PIK3CB: variants seen among roughly 807,000 people sequenced by gnomAD.
PIK3CB encodes the protein phosphatidylinositol 4,5-bisphosphate 3-kinase catalytic subunit beta isoform.
Under a neutral mutation model 136.8 loss-of-function variants are expected in PIK3CB, and 39 were observed. That is an observed-to-expected ratio of 0.29 (90% CI 0.22 to 0.37). The LOEUF is 0.37. PIK3CB is among the 10% of genes least tolerant of loss of function. PIK3CB has a pLI of 1.00. For synonymous variants in PIK3CB, 428 were observed against 436.6 expected (o/e 0.98, Z 0.25); for missense variants, 868 against 1,275.4 (o/e 0.68, Z 4.87).
intron 1 of PIK3CB, among the ~76,000 whole-genome samples, chr3:138,815,162 A>AAAAAAAAAAATAT (rs1553743711): frequency 4.8e-5 from 3 of 62,476 alleles, no homozygotes; most frequent in African/African-American, 1.3e-4. Flanking sequence ...AAAAAAAAAA[A>AAAAAAAAAAATAT]ATATATATAT....
At chr3:138,819,861 G>A (rs2108896780) in intron 1 of PIK3CB, among the ~76,000 whole-genome samples, 1 of 152,238 alleles carries the variant, frequency 6.6e-6, no homozygotes, top group East Asian at 1.9e-4. Flanking sequence ...TGTAGTCTCG[G>A]GCTACTTGGG....
At chr3:138,777,917 CTCA>C (rs2045878618) in intron 2 of PIK3CB, 1 of 273,802 alleles carries the variant, frequency 3.7e-6, no homozygotes, top group African/African-American at 2.3e-5. Context: ...TGGATATTGT[CTCA>C]TCAAGGACCC....
intron 1 of PIK3CB, among the ~76,000 whole-genome samples, chr3:138,830,903 AAATAATAATAATAAT>A (rs373908245): frequency 3.6e-3 from 492 of 136,972 alleles, no homozygotes; most frequent in Middle Eastern, 0.015. Context: ...CTCCGTCTCA[AAATAATAATAATAAT>A]AATAATAATA....
intron 1 of PIK3CB, among the ~76,000 whole-genome samples, chr3:138,803,934 C>G (rs945982640): frequency 6.6e-6 from 1 of 152,138 alleles, no homozygotes; most frequent in Admixed American, 6.6e-5. Context: ...TGGAGGCCCA[C>G]ATCAATACAT....
chr3:138,655,376 C>T lies in PIK3CB; in HGVS notation c.*13G>A, dbSNP rs757577138. ...ATGAAACCAACAAATACATTAGGAGCGAAGGCTGATCGTTAAGATCTGTAG... is the reference window on the plus strand; with the variant it reads ...ATGAAACCAACAAATACATTAGGAGTGAAGGCTGATCGTTAAGATCTGTAG... On this transcript the variant is annotated 3_prime_UTR_variant, in exon 24 of 24. Transcript: ENST00000674063. 1.5e-5 allele frequency: 24 copies of T among 1,613,272 alleles called. No homozygotes were observed. Among genetic ancestry groups the T allele is most frequent in the African/African-American group, 6.7e-5 (5 of 74,900 alleles).
chr3:138,687,405 T>C (rs1006073375), intron 16 of PIK3CB, among the ~76,000 whole-genome samples: 6 of 152,214 alleles, frequency 3.9e-5, no homozygotes, highest in Non-Finnish European at 8.8e-5. Flanking sequence ...AAAATTTGAA[T>C]TTTACTCATA....
chr3:138,740,227 T>C (rs647972), intron 5 of PIK3CB, among the ~76,000 whole-genome samples: 91,772 of 152,024 alleles, frequency 0.6, 28,556 homozygotes, highest in East Asian at 0.99. Flanking sequence ...GGCGTGGTGG[T>C]GCCTGTCTAT....
At chr3:138,728,059 G>GCC (rs2044879635) in intron 8 of PIK3CB, among the ~76,000 whole-genome samples, 1 of 152,038 alleles carries the variant, frequency 6.6e-6, no homozygotes, top group African/African-American at 2.4e-5. Flanking sequence ...TGATCCACCC[G>GCC]CCTCGGCCTC....
chr3:138,808,410 C>T (rs1315697600), intron 1 of PIK3CB, among the ~76,000 whole-genome samples: 1 of 152,060 alleles, frequency 6.6e-6, no homozygotes, highest in Non-Finnish European at 1.5e-5. Context: ...GCAGGAAGAT[C>T]ATTTGAGCCC....
chr3:138,732,315 T>C (rs1442432955), intron 8 of PIK3CB, among the ~76,000 whole-genome samples: 5 of 152,110 alleles, frequency 3.3e-5, no homozygotes, highest in African/African-American at 1.2e-4. Flanking sequence ...TCAAATTATT[T>C]CTCTCAACTT....
At chr3:138,656,086 T>C (rs1190848617) in intron 23 of PIK3CB, 56 bp downstream of exon 23, 1 of 1,589,368 alleles carries the variant, frequency 6.3e-7, no homozygotes, top group African/African-American at 1.3e-5. Context: ...AACAGGCAGC[T>C]AAAACTGAGC....
intron 14 of PIK3CB, among the ~76,000 whole-genome samples, chr3:138,691,431 C>A (rs1246790547): frequency 6.6e-6 from 1 of 152,098 alleles, no homozygotes; most frequent in Admixed American, 6.6e-5. Context: ...TCAAATCTCA[C>A]CTCAAATTAT....
At chr3:138,813,426 C>T (rs1933165387) in intron 1 of PIK3CB, among the ~76,000 whole-genome samples, 1 of 151,018 alleles carries the variant, frequency 6.6e-6, no homozygotes, top group South Asian at 2.1e-4. Context: ...TAAGGGCCTA[C>T]TCTATTTTTT....
At chr3:138,819,957 G>C (rs963230241) in intron 1 of PIK3CB, among the ~76,000 whole-genome samples, 20 of 152,154 alleles carry the variant, frequency 1.3e-4, no homozygotes, top group African/African-American at 4.8e-4. Flanking sequence ...CTGAGCAACA[G>C]AGCGAGACTC....
chr3:138,781,702 G>A (rs775009650), intron 2 of PIK3CB, among the ~76,000 whole-genome samples: 4 of 152,182 alleles, frequency 2.6e-5, no homozygotes, highest in East Asian at 1.9e-4. Context: ...TGATCTGCCC[G>A]CCTCGGCCTC....
At chr3:138,675,881 C>T (rs539479796) in intron 19 of PIK3CB, among the ~76,000 whole-genome samples, 1 of 152,192 alleles carries the variant, frequency 6.6e-6, no homozygotes, top group South Asian at 2.1e-4. Flanking sequence ...TTCACATGTA[C>T]AATCAATTGA....
chr3:138,827,838 A>C (rs982422820), intron 1 of PIK3CB, among the ~76,000 whole-genome samples: 3 of 151,612 alleles, frequency 2.0e-5, no homozygotes, highest in Admixed American at 6.6e-5. Flanking sequence ...AAAAAAAAAA[A>C]ATTAGCCGGG....
intron 4 of PIK3CB, among the ~76,000 whole-genome samples, chr3:138,752,095 AATCC>A (rs1320485758): frequency 6.6e-6 from 1 of 152,192 alleles, no homozygotes; most frequent in Non-Finnish European, 1.5e-5. Context: ...ATGCTAACAA[AATCC>A]TCTGATTACG....
chr3:138,737,897 A>G lies in PIK3CB; in HGVS notation c.622-11T>C, dbSNP rs2108655203. ...AAAGCTAAACACGTCCTGAAGGGGGAGGGAGATGGGGAAAAAAGCAGTAAA... is the reference window on the plus strand; with the variant it reads ...AAAGCTAAACACGTCCTGAAGGGGGGGGGAGATGGGGAAAAAAGCAGTAAA... On this transcript the variant is annotated splice_polypyrimidine_tract_variant and intron_variant, in intron 5 of 23. Transcript: ENST00000674063. 4 of 1,544,112 alleles carry G rather than the reference A, an allele frequency of 2.6e-6. No individual in the cohort carries two copies. Among genetic ancestry groups the G allele is most frequent in the Admixed American group, 1.9e-5 (1 of 52,824 alleles).
Sources: gnomAD v4.1 joint callset for allele counts (sites outside exome capture counted in the v4.1 genomes callset) on GRCh38, gnomAD v4.1.1 for gene constraint, MANE v1.5 for transcripts, NCBI Gene and HGNC (gene_info 2026-07-23, HGNC 2026-07-21) for gene names.